Variants in IFFO2 observed in about 807,000 individuals in gnomAD.
IFFO2 encodes the protein intermediate filament family orphan 2.
In IFFO2, 19 loss-of-function variants were observed where a neutral mutation model predicts 53.5. That is an observed-to-expected ratio of 0.36 (90% CI 0.25 to 0.52). The LOEUF is 0.52. IFFO2 is among the 20% of genes least tolerant of loss of function. IFFO2 has a pLI of 0.94. For synonymous variants in IFFO2, 303 were observed against 313.6 expected, an observed-to-expected ratio of 0.97 and a Z score of 0.36; for missense variants, 570 against 727.4, an observed-to-expected ratio of 0.78 and a Z score of 2.49.
At position 18,919,038 on chromosome 1, in the gene IFFO2, A is replaced by G. The variant is rs1402576015; in HGVS notation, c.823-536T>C. Among the ~76,000 whole-genome samples, 1 of 152,128 alleles carries G rather than the reference A, an allele frequency of 6.6e-6. No individual in the cohort carries two copies. Among genetic ancestry groups the G allele is most frequent in the Non-Finnish European group, 1.5e-5 (1 of 68,024 alleles). ...ACCCAGCTTCACGTCCCTCCACACC[A>G]GGAGCCATGCCAGGCTCAGTCACCC... On this transcript the variant is annotated intron_variant, in intron 3 of 8. Coordinates refer to ENST00000455833, the MANE Select transcript of IFFO2 (RefSeq NM_001136265.2). The surrounding 1 kb of genome is among the most constrained non-coding windows in gnomAD (Gnocchi z 4.9).
intron 5 of IFFO2, among the ~76,000 whole-genome samples, chr1:18,913,979 C>T (rs915268687): frequency 1.3e-5 from 2 of 152,154 alleles, no homozygotes; most frequent in Non-Finnish European, 2.9e-5. Context: ...CTACAGGCGC[C>T]CGCCACCACG....
intron 1 of IFFO2, among the ~76,000 whole-genome samples, chr1:18,944,891 A>C (rs1026535545): frequency 1.6e-4 from 25 of 152,288 alleles, no homozygotes; most frequent in African/African-American, 5.8e-4. Context: ...GGGAGAGGAA[A>C]GGAGAGCAAG....
chr1:18,941,215 C>A (rs147306625), intron 1 of IFFO2, among the ~76,000 whole-genome samples: 5 of 152,332 alleles, frequency 3.3e-5, no homozygotes, highest in Non-Finnish European at 7.3e-5. Context: ...AGAGTGCTCT[C>A]GGGAAGTGAG....
intron 1 of IFFO2, among the ~76,000 whole-genome samples, chr1:18,938,433 G>A (rs1936477030): frequency 6.6e-6 from 1 of 152,194 alleles, no homozygotes; most frequent in Non-Finnish European, 1.5e-5. Context: ...TAGAGGCTCT[G>A]TCTCTGGGTT....
chr1:18,932,942 T>G (rs4912077), intron 1 of IFFO2, among the ~76,000 whole-genome samples: 81,152 of 151,676 alleles, frequency 0.54, 24,473 homozygotes, highest in African/African-American at 0.82. Context: ...GAGCGTTGGG[T>G]GTTTCTGGAG....
At chr1:18,952,359 T>C (rs757104451) in intron 1 of IFFO2, among the ~76,000 whole-genome samples, 2 of 152,174 alleles carry the variant, frequency 1.3e-5, no homozygotes, top group Non-Finnish European at 1.5e-5. Context: ...CCAGGGGCTC[T>C]GGTTTGGGTT....
intron 1 of IFFO2, among the ~76,000 whole-genome samples, chr1:18,926,149 G>A (rs942182101): frequency 5.4e-5 from 8 of 149,340 alleles, no homozygotes; most frequent in African/African-American, 2.0e-4. Context: ...ATGGATGGAT[G>A]GATCCAAAGC....
intron 1 of IFFO2, among the ~76,000 whole-genome samples, chr1:18,933,267 G>C (rs1327097224): frequency 1.3e-5 from 2 of 152,212 alleles, no homozygotes; most frequent in Admixed American, 1.3e-4. Context: ...GGGATGGAAG[G>C]GAATGCTCAC....
chr1:18,930,907 A>T (rs1936367427), intron 1 of IFFO2, among the ~76,000 whole-genome samples: 2 of 152,212 alleles, frequency 1.3e-5, no homozygotes, highest in Non-Finnish European at 2.9e-5. Flanking sequence ...ATGGTGGCTC[A>T]CGGCTGTAAT....
chr1:18,945,239 T>C (rs1026167120), intron 1 of IFFO2, among the ~76,000 whole-genome samples: 24 of 152,210 alleles, frequency 1.6e-4, no homozygotes, highest in African/African-American at 5.5e-4. Context: ...CTCACCAGTG[T>C]CCCACCCAGA....
intron 5 of IFFO2, among the ~76,000 whole-genome samples, chr1:18,913,746 C>T (rs1028516336): frequency 7.9e-5 from 12 of 152,160 alleles, no homozygotes; most frequent in African/African-American, 1.2e-4. Context: ...GGGGTCAGGG[C>T]GGCCCACACA....
At chr1:18,932,706 A>G (rs1010229827) in intron 1 of IFFO2, among the ~76,000 whole-genome samples, 2 of 152,216 alleles carry the variant, frequency 1.3e-5, no homozygotes, top group Non-Finnish European at 2.9e-5. Context: ...CCTGCCATGG[A>G]AAATGGGTAA....
At chr1:18,929,979 C>T (rs1409688725) in intron 1 of IFFO2, among the ~76,000 whole-genome samples, 1 of 152,192 alleles carries the variant, frequency 6.6e-6, no homozygotes, top group Non-Finnish European at 1.5e-5. Context: ...CACAAATGCT[C>T]AAAAGCCAGC....
At chr1:18,937,957 C>T (rs748453524) in intron 1 of IFFO2, among the ~76,000 whole-genome samples, 2 of 152,400 alleles carry the variant, frequency 1.3e-5, no homozygotes, top group Middle Eastern at 3.4e-3. Context: ...GGGCTCTCTT[C>T]CCCCTGAGAT....
At chr1:18,909,695 T>A (rs1214987276) in intron 8 of IFFO2, among the ~76,000 whole-genome samples, 1 of 152,238 alleles carries the variant, frequency 6.6e-6, no homozygotes, top group Non-Finnish European at 1.5e-5. Context: ...ATAAGTTTCC[T>A]GAGGCCTCCT....
At chr1:18,923,241 G>A (rs1251750907) in intron 1 of IFFO2, among the ~76,000 whole-genome samples, 2 of 152,220 alleles carry the variant, frequency 1.3e-5, no homozygotes, top group East Asian at 3.9e-4. Context: ...GCACCCAGGG[G>A]CACCTCCCCG....
chr1:18,928,284 G>A lies in IFFO2; in HGVS notation c.666-7163C>T, dbSNP rs1055135260. Among the ~76,000 whole-genome samples the A allele has an allele frequency of 4.6e-5, 7 of 152,154 alleles. No homozygotes were observed. Among genetic ancestry groups the A allele is most frequent in the African/African-American group, 9.7e-5 (4 of 41,412 alleles). On this transcript the variant is annotated intron_variant, in intron 1 of 8. Coordinates refer to ENST00000455833, the MANE Select transcript of IFFO2 (RefSeq NM_001136265.2). The surrounding 1 kb of genome is among the most constrained non-coding windows in gnomAD (Gnocchi z 4.9). Reference sequence around the variant, plus strand: ...CCTGATCCCAAGGAAAGGCTGTCTCGCAGACGTGCCCATCAGAGCCCGGCT... The same window carrying A: ...CCTGATCCCAAGGAAAGGCTGTCTCACAGACGTGCCCATCAGAGCCCGGCT...
chr1:18,925,359 C>T (rs1397610117), intron 1 of IFFO2, among the ~76,000 whole-genome samples: 2 of 152,346 alleles, frequency 1.3e-5, no homozygotes, highest in Non-Finnish European at 2.9e-5. Flanking sequence ...CAGCTTAAAG[C>T]AGTGGAGGCC....
Position 18,918,908 on chromosome 1 carries a change from C to A in IFFO2, c.823-406G>T, listed in dbSNP as rs915442715. 6.6e-6 allele frequency among the ~76,000 whole-genome samples: 1 copy of A among 152,128 alleles called. No individual in the cohort carries two copies. The highest frequency in any genetic ancestry group is 6.5e-5 in the Admixed American group (1 of 15,280). On this transcript the variant is annotated intron_variant, in intron 3 of 8. Transcript: ENST00000455833. The surrounding 1 kb of genome is among the most constrained non-coding windows in gnomAD (Gnocchi z 5.2). ...CTCTCTCCTGGATGCCTCCCAAGGC[C>A]GGCAGTGGGAGTCACTGAGGACCAC...
Sources: gnomAD v4.1 joint callset for allele counts (sites outside exome capture counted in the v4.1 genomes callset) on GRCh38, gnomAD v4.1.1 for gene constraint, Gnocchi (gnomAD v3.1) non-coding constraint, MANE v1.5 for transcripts, NCBI Gene and HGNC (gene_info 2026-07-23, HGNC 2026-07-21) for gene names.